The following HDAC8 variants were observed in gnomAD, a reference collection of about 807,000 sequenced individuals.
HDAC8 encodes histone deacetylase-like 1.
A neutral mutation model predicts 32.2 loss-of-function variants in HDAC8; 1 was observed. That is an observed-to-expected ratio of 0.03 (90% CI 0.01 to 0.15). The LOEUF is 0.15. Among genes scored for constraint, HDAC8 ranks in the 10% least tolerant of loss-of-function variants. The pLI, the probability that HDAC8 is intolerant of heterozygous loss-of-function variation, is 1.00. For synonymous variants in HDAC8, 108 were observed against 113.9 expected, an observed-to-expected ratio of 0.95 and a Z score of 0.33; for missense variants, 117 against 300.0, an observed-to-expected ratio of 0.39 and a Z score of 4.51.
chrX:72,385,458 A>G, intron 9 of HDAC8, among the ~76,000 whole-genome samples: 1 of 110,821 alleles, frequency 9.0e-6, no homozygotes, highest in Non-Finnish European at 1.9e-5. Context: ...GTAAGACCTC[A>G]TCTCAAAACC....
At chrX:72,516,995 T>C (rs1011534153) in intron 4 of HDAC8, among the ~76,000 whole-genome samples, 1 of 112,119 alleles carries the variant, frequency 8.9e-6, no homozygotes, top group African/African-American at 3.2e-5. Context: ...GGTTTGCTTT[T>C]GAGGAACTGC....
At chrX:72,489,800 T>C (rs1350958105) in intron 6 of HDAC8, among the ~76,000 whole-genome samples, 1 of 110,823 alleles carries the variant, frequency 9.0e-6, no homozygotes, top group Non-Finnish European at 1.9e-5. Context: ...GAAACTACCA[T>C]CAGAGTGAAC....
At chrX:72,480,406 C>T (rs781952659) in intron 7 of HDAC8, 8 of 329,079 alleles carry the variant, frequency 2.4e-5, no homozygotes, top group Non-Finnish European at 4.7e-5. Context: ...AGTCAGGAAA[C>T]AACAGATGCT....
At chrX:72,462,306 G>T (rs2047890288) in intron 8 of HDAC8, 1 of 366,228 alleles carries the variant, frequency 2.7e-6, no homozygotes. Flanking sequence ...TGTAAAACTG[G>T]GCAGTCCAAG....
At chrX:72,484,953 C>T (rs782102135) in intron 7 of HDAC8, among the ~76,000 whole-genome samples, 8 of 111,505 alleles carry the variant, frequency 7.2e-5, no homozygotes, top group Admixed American at 1.9e-4. Context: ...ACATAGGCAG[C>T]GTAATATTTC....
At chrX:72,485,798 C>G (rs2048652067) in intron 7 of HDAC8, among the ~76,000 whole-genome samples, 1 of 111,383 alleles carries the variant, frequency 9.0e-6, no homozygotes, top group Non-Finnish European at 1.9e-5. Context: ...AAGGAGTGAG[C>G]CAGAGAACCA....
chrX:72,365,148 C>T (rs1555953930), intron 9 of HDAC8, among the ~76,000 whole-genome samples: 1 of 111,598 alleles, frequency 9.0e-6, no homozygotes, highest in South Asian at 3.7e-4. Flanking sequence ...TTGAGCATGC[C>T]TAATCCCAAA....
chrX:72,466,151 A>G (rs990915149), intron 7 of HDAC8, among the ~76,000 whole-genome samples: 1 of 111,466 alleles, frequency 9.0e-6, no homozygotes, highest in Admixed American at 9.6e-5. Flanking sequence ...ATACAGAGGA[A>G]GGCGTGATGT....
rs781967332 is a variant in HDAC8 at position 72,468,047 on chromosome X, C to T, written c.738-3316G>A. 3.4e-6 allele frequency: 4 copies of T among 1,170,101 alleles called. No individual in the cohort carries two copies. The South Asian group carries it at 7.9e-5, about 23-fold the overall frequency. On this transcript the variant is annotated intron_variant, in intron 7 of 10. Transcript: ENST00000373573. ...ATTGAAAAGGTTGATAAGAAGCTTTCAGAAAGGTAGGGCATCTTGTACATA... is the reference window on the plus strand; with the variant it reads ...ATTGAAAAGGTTGATAAGAAGCTTTTAGAAAGGTAGGGCATCTTGTACATA...
rs1310471357 is a variant in HDAC8, at chrX:72,563,927, C to T, written c.437+3962G>A. On this transcript the variant is annotated intron_variant, in intron 4 of 10. Transcript: ENST00000373573. ...CTGTAATCCCAGCACCTTGGGAGGCCGAGGCAGGCAGATCATGAGGTCAGG... is the reference window on the plus strand; with the variant it reads ...CTGTAATCCCAGCACCTTGGGAGGCTGAGGCAGGCAGATCATGAGGTCAGG... Among the ~76,000 whole-genome samples the T allele has an allele frequency of 4.5e-5, 5 of 111,169 alleles. No homozygotes were observed. The East Asian group carries it at 1.1e-3, about 25-fold the overall frequency.
intron 4 of HDAC8, among the ~76,000 whole-genome samples, chrX:72,551,086 C>G: frequency 9.4e-6 from 1 of 105,964 alleles, no homozygotes; most frequent in Non-Finnish European, 1.9e-5. Context: ...AGCGCACACA[C>G]ACACACACAC....
At chrX:72,332,458 T>C (rs1172150965) in intron 10 of HDAC8, among the ~76,000 whole-genome samples, 1 of 111,770 alleles carries the variant, frequency 8.9e-6, no homozygotes, top group Non-Finnish European at 1.9e-5. Context: ...TGGTTTTTAT[T>C]TTGGCCATTC....
intron 9 of HDAC8, among the ~76,000 whole-genome samples, chrX:72,370,790 G>A (rs1555956122): frequency 8.9e-6 from 1 of 112,344 alleles, no homozygotes; most frequent in Non-Finnish European, 1.9e-5. Context: ...GAAGCATCCA[G>A]CATGAGAGAA....
At position 72,419,369 on chromosome X, in the gene HDAC8, A is replaced by G. The variant is rs782220740; in HGVS notation, c.1005+42635T>C. Reference sequence around the variant, plus strand: ...GTTTATTCTATTAGATGTTACTATAAATGCAATTACTTAAAATTTTTCTTT... The same window carrying G: ...GTTTATTCTATTAGATGTTACTATAGATGCAATTACTTAAAATTTTTCTTT... On this transcript the variant is annotated intron_variant, in intron 9 of 10. Transcript: ENST00000373573. Among the ~76,000 whole-genome samples the G allele has an allele frequency of 2.2e-4, 25 of 111,523 alleles. No individual in the cohort carries two copies. In the East Asian group the frequency reaches 7.1e-3, roughly 31 times the overall value.
chrX:72,342,426 G>C (rs1455797410), intron 10 of HDAC8, among the ~76,000 whole-genome samples: 3 of 112,517 alleles, frequency 2.7e-5, no homozygotes, highest in Non-Finnish European at 5.6e-5. Context: ...TGCTGGATTT[G>C]GTGGCTGTGC....
intron 4 of HDAC8, among the ~76,000 whole-genome samples, chrX:72,557,583 G>A (rs782220456): frequency 1.8e-5 from 2 of 110,472 alleles, no homozygotes; most frequent in East Asian, 5.8e-4. Context: ...CAGTGCTAAG[G>A]GGAAATGCCC....
intron 7 of HDAC8, among the ~76,000 whole-genome samples, chrX:72,469,075 T>G (rs1416762471): frequency 8.9e-6 from 1 of 111,939 alleles, no homozygotes; most frequent in African/African-American, 3.2e-5. Context: ...AACTAGTTTC[T>G]CCATCTACAA....
chrX:72,375,998 G>C (rs2045057565), intron 9 of HDAC8, among the ~76,000 whole-genome samples: 1 of 111,618 alleles, frequency 9.0e-6, no homozygotes, highest in African/African-American at 3.2e-5. Context: ...TTTTGGTATT[G>C]TGTGTCTTTC....
At chrX:72,553,958 C>T (rs2051179502) in intron 4 of HDAC8, among the ~76,000 whole-genome samples, 1 of 111,552 alleles carries the variant, frequency 9.0e-6, no homozygotes, top group Admixed American at 9.5e-5. Flanking sequence ...TTTAATGTTT[C>T]CTCTTTTGTG....
Sources: allele counts gnomAD v4.1 joint callset (sites outside exome capture counted in the v4.1 genomes callset), GRCh38; gene constraint gnomAD v4.1.1; transcripts MANE v1.5; gene names NCBI Gene and HGNC (gene_info 2026-07-23, HGNC 2026-07-21).